NBEA: variants seen among roughly 807,000 people sequenced by gnomAD.
The protein encoded by NBEA is neurobeachin.
Under a neutral mutation model 343.4 loss-of-function variants are expected in NBEA, and 44 were observed. The ratio of observed to expected loss-of-function variants is 0.13; its 90% CI spans 0.10 to 0.16. NBEA has a LOEUF of 0.16. Among genes scored for constraint, NBEA ranks in the 10% least tolerant of loss-of-function variants. The pLI is 1.00. For synonymous variants in NBEA, 1,175 were observed against 1,238.7 expected, an observed-to-expected ratio of 0.95 and a Z score of 1.08; for missense variants, 2,555 against 3,631.3, an observed-to-expected ratio of 0.70 and a Z score of 7.62.
chr13:35,218,597 C>T (rs1271878406), intron 33 of NBEA, among the ~76,000 whole-genome samples: 1 of 151,828 alleles, frequency 6.6e-6, no homozygotes, highest in Non-Finnish European at 1.5e-5. Flanking sequence ...AGATGAAAAA[C>T]ATTGAACATT....
At chr13:35,641,144 A>G (rs901854056) in intron 49 of NBEA, among the ~76,000 whole-genome samples, 1 of 152,156 alleles carries the variant, frequency 6.6e-6, no homozygotes, top group Non-Finnish European at 1.5e-5. Context: ...TTTTATTAAT[A>G]AGTTATCAGT....
intron 46 of NBEA, among the ~76,000 whole-genome samples, chr13:35,584,792 G>A (rs962438279): frequency 1.3e-5 from 2 of 151,736 alleles, no homozygotes; most frequent in African/African-American, 4.8e-5. Flanking sequence ...GAGCCACCAC[G>A]CCCGGCCCAG....
intron 39 of NBEA, among the ~76,000 whole-genome samples, chr13:35,435,309 G>A (rs146378198): frequency 6.0e-4 from 92 of 152,192 alleles, no homozygotes; most frequent in African/African-American, 2.0e-3. Context: ...CACTGCGCTC[G>A]GCCTTACAGC....
At chr13:35,406,552 AG>A (rs2043281639) in intron 38 of NBEA, among the ~76,000 whole-genome samples, 1 of 152,120 alleles carries the variant, frequency 6.6e-6, no homozygotes, top group Non-Finnish European at 1.5e-5. Context: ...AGAACATATG[AG>A]GTTTGGTTTT....
chr13:35,450,863 G>A (rs2152944590), intron 39 of NBEA, among the ~76,000 whole-genome samples: 1 of 152,314 alleles, frequency 6.6e-6, no homozygotes, highest in Middle Eastern at 3.4e-3. Flanking sequence ...TTTCATGTCT[G>A]TGGTGTTTGT....
At chr13:34,982,157 G>A (rs1451704359) in intron 1 of NBEA, among the ~76,000 whole-genome samples, 4 of 152,030 alleles carry the variant, frequency 2.6e-5, no homozygotes, top group African/African-American at 9.7e-5. Flanking sequence ...GAAACTGTGG[G>A]TCAATAAGAG....
intron 35 of NBEA, among the ~76,000 whole-genome samples, chr13:35,304,922 T>A (rs144502072): frequency 6.6e-6 from 1 of 152,260 alleles, no homozygotes; most frequent in East Asian, 1.9e-4. Flanking sequence ...GTTATACTAA[T>A]GTTCTTGGTT....
chr13:35,265,762 G>T (rs2033619430), intron 34 of NBEA, among the ~76,000 whole-genome samples: 1 of 151,814 alleles, frequency 6.6e-6, no homozygotes, highest in African/African-American at 2.4e-5. Flanking sequence ...ACTACTAGAA[G>T]AAAATATAGT....
chr13:35,661,076 C>G (rs1018690260), intron 55 of NBEA, among the ~76,000 whole-genome samples: 2 of 152,178 alleles, frequency 1.3e-5, no homozygotes, highest in African/African-American at 2.4e-5. Context: ...GAGCTGCTTG[C>G]TACTCGGCCT....
intron 47 of NBEA, among the ~76,000 whole-genome samples, chr13:35,601,893 C>A (rs2082073543): frequency 6.6e-6 from 1 of 151,890 alleles, no homozygotes; most frequent in African/African-American, 2.4e-5. Flanking sequence ...GGCCTTACTA[C>A]CAATTTGCAG....
intron 1 of NBEA, among the ~76,000 whole-genome samples, chr13:34,963,654 G>A (rs1361425660): frequency 6.6e-6 from 1 of 151,732 alleles, no homozygotes; most frequent in Non-Finnish European, 1.5e-5. Flanking sequence ...TAAACCCATT[G>A]CTTTTTTACT....
chr13:35,140,277 C>A (rs972202767), intron 17 of NBEA, among the ~76,000 whole-genome samples: 16 of 151,840 alleles, frequency 1.1e-4, no homozygotes, highest in Middle Eastern at 3.2e-3. Context: ...GCCTCCCAAA[C>A]TGCTGGGATT....
intron 44 of NBEA, among the ~76,000 whole-genome samples, chr13:35,556,612 A>G (rs2079583484): frequency 6.6e-6 from 1 of 151,994 alleles, no homozygotes; most frequent in East Asian, 1.9e-4. Context: ...GCACCTTGTT[A>G]TTAATTCCCC....
chr13:35,170,652 G>A (rs959708930), intron 25 of NBEA, among the ~76,000 whole-genome samples: 9 of 151,724 alleles, frequency 5.9e-5, no homozygotes, highest in Admixed American at 2.0e-4. Context: ...TATAAGTCAC[G>A]AATTAAATAT....
At chr13:35,526,419 G>T (rs780518603) in intron 41 of NBEA, among the ~76,000 whole-genome samples, 1 of 152,162 alleles carries the variant, frequency 6.6e-6, no homozygotes, top group Non-Finnish European at 1.5e-5. Flanking sequence ...GTCGAGGCCC[G>T]TGGATCACTT....
At chr13:34,983,484 G>A (rs543197986) in intron 1 of NBEA, among the ~76,000 whole-genome samples, 61 of 151,876 alleles carry the variant, frequency 4.0e-4, no homozygotes, top group African/African-American at 1.4e-3. Flanking sequence ...CAATAAACAT[G>A]TGTGCATGTG....
chr13:35,212,380 TA>T (rs2073832532), intron 33 of NBEA, among the ~76,000 whole-genome samples: 1 of 152,194 alleles, frequency 6.6e-6, no homozygotes, highest in Admixed American at 6.6e-5. Context: ...TATGTGTCTA[TA>T]CCATAATTTA....
chr13:35,617,172 A>G (rs1026324467), intron 48 of NBEA, among the ~76,000 whole-genome samples: 1 of 152,234 alleles, frequency 6.6e-6, no homozygotes. Context: ...TTCATGAAGG[A>G]ATGAGAGAAG....
intron 39 of NBEA, among the ~76,000 whole-genome samples, chr13:35,435,884 A>G (rs867652434): frequency 6.6e-5 from 10 of 152,188 alleles, no homozygotes; most frequent in East Asian, 5.8e-4. Context: ...CATTTTGCCA[A>G]TGCACATCAA....
Sources: allele counts gnomAD v4.1 joint callset (sites outside exome capture counted in the v4.1 genomes callset), GRCh38; gene constraint gnomAD v4.1.1; transcripts MANE v1.5; gene names NCBI Gene and HGNC (gene_info 2026-07-23, HGNC 2026-07-21).